The following SUSD4 variants were observed in gnomAD, a reference collection of about 807,000 sequenced individuals.
The protein encoded by SUSD4 is sushi domain-containing protein 4.
Under a neutral mutation model 50.5 loss-of-function variants are expected in SUSD4, and 41 were observed. That is an observed-to-expected ratio of 0.81 (90% CI 0.63 to 1.05). The LOEUF (loss-of-function observed/expected upper bound fraction) is 1.05, where lower values mean the gene tolerates loss of function less well. Among genes scored for constraint, SUSD4 ranks in the 50% least tolerant of loss-of-function variants. The pLI, the probability that SUSD4 is intolerant of heterozygous loss-of-function variation, is 0.00. For synonymous variants in SUSD4, 257 were observed against 257.3 expected (o/e 1.00, Z 0.01); for missense variants, 580 against 634.7 (o/e 0.91, Z 0.93).
At chr1:223,284,512 AGG>A (rs1475136282) in intron 3 of SUSD4, among the ~76,000 whole-genome samples, 1 of 152,204 alleles carries the variant, frequency 6.6e-6, no homozygotes, top group Non-Finnish European at 1.5e-5. Flanking sequence ...CCTACTTTGT[AGG>A]GTTGCTGTAG....
At chr1:223,275,773 A>G (rs1218434165) in intron 3 of SUSD4, among the ~76,000 whole-genome samples, 1 of 151,862 alleles carries the variant, frequency 6.6e-6, no homozygotes, top group East Asian at 1.9e-4. Context: ...TGGGCTATGC[A>G]AGGTCAGTCT....
chr1:223,237,495 A>AGGTTGAGG (rs1475547628), intron 5 of SUSD4, among the ~76,000 whole-genome samples: 3 of 151,956 alleles, frequency 2.0e-5, no homozygotes, highest in Non-Finnish European at 1.5e-5. Context: ...TTTTGTAGAT[A>AGGTTGAGG]TTCTTTATAC....
At chr1:223,319,756 T>C (rs947625495) in intron 2 of SUSD4, among the ~76,000 whole-genome samples, 6 of 152,228 alleles carry the variant, frequency 3.9e-5, no homozygotes, top group Non-Finnish European at 8.8e-5. Flanking sequence ...TCTTTATGTT[T>C]GTCAATGAAA....
intron 2 of SUSD4, among the ~76,000 whole-genome samples, chr1:223,336,224 G>A (rs1317322227): frequency 6.6e-6 from 1 of 152,134 alleles, no homozygotes; most frequent in Non-Finnish European, 1.5e-5. Flanking sequence ...AAAGTGCTGG[G>A]ATTACAAGCG....
At chr1:223,364,355 G>A (rs1669193179), upstream of SUSD4, among the ~76,000 whole-genome samples, 1 of 147,128 alleles carries the variant, frequency 6.8e-6, no homozygotes, top group Non-Finnish European at 1.5e-5. The surrounding 1 kb of genome is among the most constrained non-coding windows in gnomAD (Gnocchi z 4.5). Flanking sequence ...GGGAGTGGGT[G>A]GGGACGGGGT....
At chr1:223,246,624 G>A (rs1180286010) in intron 5 of SUSD4, among the ~76,000 whole-genome samples, 4 of 152,108 alleles carry the variant, frequency 2.6e-5, no homozygotes, top group African/African-American at 9.7e-5. Flanking sequence ...CCTCTGACAG[G>A]CGTAGGAGGG....
chr1:223,297,994 A>G (rs936163253), intron 2 of SUSD4, among the ~76,000 whole-genome samples: 1 of 151,948 alleles, frequency 6.6e-6, no homozygotes, highest in Non-Finnish European at 1.5e-5. Flanking sequence ...GGCTAGGTGA[A>G]TGGATAAATG....
chr1:223,289,446 G>C (rs994915846), intron 3 of SUSD4, among the ~76,000 whole-genome samples: 1 of 152,228 alleles, frequency 6.6e-6, no homozygotes, highest in Non-Finnish European at 1.5e-5. Flanking sequence ...CATGTGGCAG[G>C]ATGAGGTGGG....
At chr1:223,285,313 T>C (rs997984282) in intron 3 of SUSD4, among the ~76,000 whole-genome samples, 1 of 152,080 alleles carries the variant, frequency 6.6e-6, no homozygotes, top group Non-Finnish European at 1.5e-5. Flanking sequence ...TGACTGGGGA[T>C]GGGGCCAGGT....
At chr1:223,350,942 AGCT>A (rs1668325605) in intron 2 of SUSD4, among the ~76,000 whole-genome samples, 4 of 152,246 alleles carry the variant, frequency 2.6e-5, no homozygotes, top group Non-Finnish European at 4.4e-5. Context: ...TGTGGATCCT[AGCT>A]TTAAGGAGCT....
intron 5 of SUSD4, among the ~76,000 whole-genome samples, chr1:223,257,126 A>T (rs754680227): frequency 1.3e-5 from 2 of 152,210 alleles, no homozygotes; most frequent in African/African-American, 4.8e-5. Flanking sequence ...CTAGGAGTGC[A>T]GGGAGGAACA....
At chr1:223,341,956 C>T (rs187774752) in intron 2 of SUSD4, among the ~76,000 whole-genome samples, 1 of 152,234 alleles carries the variant, frequency 6.6e-6, no homozygotes, top group African/African-American at 2.4e-5. Context: ...AGCTAAAGAT[C>T]GCTCATTGGC....
intron 2 of SUSD4, among the ~76,000 whole-genome samples, chr1:223,361,102 T>A (rs952759277): frequency 4.6e-5 from 7 of 152,180 alleles, no homozygotes; most frequent in Non-Finnish European, 7.4e-5. Flanking sequence ...TTTAACAAGA[T>A]CCCAGGTGAC....
chr1:223,254,473 G>A (rs543740010), intron 5 of SUSD4, among the ~76,000 whole-genome samples: 5 of 152,316 alleles, frequency 3.3e-5, no homozygotes, highest in Admixed American at 1.3e-4. Context: ...AAGGTGCTGA[G>A]ACAGGAGCCT....
At chr1:223,287,602 C>G (rs1260384038) in intron 3 of SUSD4, among the ~76,000 whole-genome samples, 3 of 152,122 alleles carry the variant, frequency 2.0e-5, no homozygotes, top group Non-Finnish European at 4.4e-5. Context: ...GAGCCCTGCA[C>G]AGTGGTTTTA....
chr1:223,334,719 TG>T (rs1047472182), intron 2 of SUSD4, among the ~76,000 whole-genome samples: 1 of 152,222 alleles, frequency 6.6e-6, no homozygotes, highest in Non-Finnish European at 1.5e-5. Context: ...CGTAGGTTTT[TG>T]GAGAACAGGT....
At chr1:223,264,026 G>A (rs1662305693) in intron 5 of SUSD4, 17 of 985,450 alleles carry the variant, frequency 1.7e-5, no homozygotes, top group Non-Finnish European at 2.0e-5. Context: ...CCTAGCAGAA[G>A]TGTTTACAGG....
In SUSD4 at chr1:223,356,093, CTTGT is replaced by C. The variant is rs1240689916; in HGVS notation, c.148+7181_148+7184del. On this transcript the variant is annotated intron_variant, in intron 2 of 8. Coordinates refer to ENST00000366878, the MANE Select transcript of SUSD4 (RefSeq NM_017982.4). ...GACTTCTCTGATGTTCCCAGTTTAC[CTTGT>C]TTAAGATTAATAAAGCAATTACAAT... Among the ~76,000 whole-genome samples the C allele has an allele frequency of 5.9e-5, 9 of 151,590 alleles. No homozygotes were observed. In the South Asian group the frequency reaches 1.3e-3, roughly 21 times the overall value.
At chr1:223,282,735 A>G (rs1430173985) in intron 3 of SUSD4, among the ~76,000 whole-genome samples, 1 of 152,250 alleles carries the variant, frequency 6.6e-6, no homozygotes, top group Non-Finnish European at 1.5e-5. Context: ...ATTGGAAAAA[A>G]CTACTTTAAA....
Sources: allele counts gnomAD v4.1 joint callset (sites outside exome capture counted in the v4.1 genomes callset), GRCh38; gene constraint gnomAD v4.1.1; non-coding constraint Gnocchi (gnomAD v3.1); transcripts MANE v1.5; gene names NCBI Gene and HGNC (gene_info 2026-07-23, HGNC 2026-07-21).